Variants in GRXCR2 observed in about 807,000 individuals in gnomAD.
GRXCR2 encodes the protein glutaredoxin domain-containing cysteine-rich protein 2.
In GRXCR2, 23 loss-of-function variants were observed where a neutral mutation model predicts 24.8. The ratio of observed to expected loss-of-function variants is 0.93; its 90% CI spans 0.67 to 1.32. The LOEUF is 1.32. GRXCR2 is among the 40% of genes most tolerant of loss of function. The pLI is 0.00. For synonymous variants in GRXCR2, 130 were observed against 116.1 expected (o/e 1.12, Z -0.77); for missense variants, 315 against 303.4 (o/e 1.04, Z -0.28).
chr5:145,885,651 G>A lies in GRXCR2; in HGVS notation c.-69-18923C>T, dbSNP rs866620490. On this transcript the variant is annotated intron_variant, in intron 2 of 3. Transcript: ENST00000639411. ...GGTTTCTTTACTGCAGGACTTCTTA[G>A]AATGTTTAAGATACTAATATACTTT... Among the ~76,000 whole-genome samples the A allele has an allele frequency of 4.6e-5, 7 of 152,222 alleles. No individual in the cohort carries two copies. In the South Asian group the frequency reaches 6.2e-4, roughly 14 times the overall value.
chr5:145,887,557 C>A (rs998511417), intron 2 of GRXCR2, among the ~76,000 whole-genome samples: 2 of 152,204 alleles, frequency 1.3e-5, no homozygotes, highest in Non-Finnish European at 2.9e-5. Flanking sequence ...ATATGAAGAG[C>A]AATCCTACAC....
chr5:145,895,278 T>C (rs1168542947), intron 2 of GRXCR2, among the ~76,000 whole-genome samples: 1 of 151,954 alleles, frequency 6.6e-6, no homozygotes, highest in African/African-American at 2.4e-5. Flanking sequence ...TTGGAAGTTC[T>C]GGCCAGGGCA....
chr5:145,905,240 C>T (rs942778253), intron 2 of GRXCR2, among the ~76,000 whole-genome samples: 1 of 152,220 alleles, frequency 6.6e-6, no homozygotes, highest in Non-Finnish European at 1.5e-5. Flanking sequence ...ATCAGCTATG[C>T]AGCCCAAAAG....
At chr5:145,872,286 T>C (rs168145) in intron 1 of GRXCR2, among the ~76,000 whole-genome samples, 97,746 of 152,078 alleles carry the variant, frequency 0.64, 31,780 homozygotes, top group East Asian at 0.72. Flanking sequence ...GGAAACAAAA[T>C]GACTGCATAA....
chr5:145,919,860 A>G (rs1485294191), intron 2 of GRXCR2, among the ~76,000 whole-genome samples: 1 of 152,008 alleles, frequency 6.6e-6, no homozygotes, highest in African/African-American at 2.4e-5. Context: ...TTCTGCCCCA[A>G]CCTCCCCAAA....
intron 2 of GRXCR2, among the ~76,000 whole-genome samples, chr5:145,889,772 C>G (rs1756837172): frequency 6.6e-6 from 1 of 152,044 alleles, no homozygotes; most frequent in African/African-American, 2.4e-5. Context: ...GCATGGATTG[C>G]AAGAAAGCTC....
At chr5:145,882,835 T>C (rs1581339487) in intron 2 of GRXCR2, among the ~76,000 whole-genome samples, 1 of 152,042 alleles carries the variant, frequency 6.6e-6, no homozygotes, top group South Asian at 2.1e-4. Context: ...TGTAATACTA[T>C]GCAGCCATAA....
At chr5:145,903,449 T>G (rs1319455680) in intron 2 of GRXCR2, among the ~76,000 whole-genome samples, 1 of 151,970 alleles carries the variant, frequency 6.6e-6, no homozygotes, top group Non-Finnish European at 1.5e-5. Context: ...CCCCAAAACT[T>G]ACTCCCTATC....
intron 2 of GRXCR2, among the ~76,000 whole-genome samples, chr5:145,895,280 G>T (rs1183723685): frequency 6.6e-6 from 1 of 151,856 alleles, no homozygotes; most frequent in African/African-American, 2.4e-5. Flanking sequence ...GGAAGTTCTG[G>T]CCAGGGCAAT....
At chr5:145,879,994 A>G (rs756315125) in intron 2 of GRXCR2, among the ~76,000 whole-genome samples, 1 of 152,206 alleles carries the variant, frequency 6.6e-6, no homozygotes, top group Non-Finnish European at 1.5e-5. Context: ...TTTGAAATCA[A>G]TGAGAGCAAA....
intron 2 of GRXCR2, among the ~76,000 whole-genome samples, chr5:145,905,815 G>T (rs1461931619): frequency 6.6e-6 from 1 of 152,170 alleles, no homozygotes; most frequent in Admixed American, 6.5e-5. Context: ...CATATAGTAA[G>T]TGCTTAATAA....
upstream of GRXCR2, among the ~76,000 whole-genome samples, chr5:145,874,508 C>A (rs959416253): frequency 6.6e-6 from 1 of 152,214 alleles, no homozygotes; most frequent in Admixed American, 6.5e-5. Flanking sequence ...AGCCCATTCA[C>A]ATGGATTCTT....
At chr5:145,889,171 A>AG (rs1561683039) in intron 2 of GRXCR2, among the ~76,000 whole-genome samples, 17 of 139,398 alleles carry the variant, frequency 1.2e-4, no homozygotes, top group Admixed American at 1.5e-4. Context: ...TCTGTCTCAA[A>AG]AAAAGAAAGA....
chr5:145,902,794 A>G (rs2149923046), intron 2 of GRXCR2, among the ~76,000 whole-genome samples: 1 of 152,346 alleles, frequency 6.6e-6, no homozygotes, highest in East Asian at 1.9e-4. Flanking sequence ...ATTTGTAAGC[A>G]TTATCTCCCT....
At chr5:145,890,533 C>T (rs557896251) in intron 2 of GRXCR2, among the ~76,000 whole-genome samples, 2 of 152,218 alleles carry the variant, frequency 1.3e-5, no homozygotes, top group East Asian at 1.9e-4. Flanking sequence ...TTCAAGAGAA[C>T]TGAAGGAGAA....
At chr5:145,862,394 CCA>C (rs1237518210) in intron 2 of GRXCR2, among the ~76,000 whole-genome samples, 10 of 152,176 alleles carry the variant, frequency 6.6e-5, no homozygotes, top group Non-Finnish European at 1.3e-4. Context: ...TTCTGGGTTA[CCA>C]CTCTCTGACC....
At chr5:145,918,358 C>T (rs1357209110) in intron 2 of GRXCR2, among the ~76,000 whole-genome samples, 2 of 152,132 alleles carry the variant, frequency 1.3e-5, no homozygotes, top group African/African-American at 2.4e-5. Flanking sequence ...GGGAGGTGAA[C>T]GGGGTCTGTT....
At chr5:145,857,691 T>C (rs1410062248), downstream of GRXCR2, among the ~76,000 whole-genome samples, 1 of 152,216 alleles carries the variant, frequency 6.6e-6, no homozygotes, top group Non-Finnish European at 1.5e-5. Context: ...AGGTTATTTA[T>C]TATGTGATGA....
chr5:145,857,731 A>T (rs981931824), downstream of GRXCR2, among the ~76,000 whole-genome samples: 1 of 152,214 alleles, frequency 6.6e-6, no homozygotes, highest in African/African-American at 2.4e-5. Flanking sequence ...ACAGAAGCTG[A>T]GGTTGCTCAC....
Sources: allele counts gnomAD v4.1 joint callset (sites outside exome capture counted in the v4.1 genomes callset), GRCh38; gene constraint gnomAD v4.1.1; transcripts MANE v1.5; gene names NCBI Gene and HGNC (gene_info 2026-07-23, HGNC 2026-07-21).